Variants in GNG4 observed in about 807,000 individuals in gnomAD.
The protein encoded by GNG4 is G protein subunit gamma 4, also known as guanine nucleotide-binding protein G(I)/G(S)/G(O) subunit gamma-4.
In GNG4, 4 loss-of-function variants were observed where a neutral mutation model predicts 5.8. The observed-to-expected ratio is 0.69, with a 90% CI of 0.34 to 1.57. The LOEUF is 1.57. Ranked by LOEUF, GNG4 falls within the 40% of genes most tolerant of loss-of-function variation. The probability of loss-of-function intolerance (pLI) is 0.06; values close to 1 mark genes in which losing one functional copy is unlikely to be tolerated. For synonymous variants in GNG4, 29 were observed against 32.9 expected (o/e 0.88, Z 0.41); for missense variants, 96 against 95.1 (o/e 1.01, Z -0.04).
At chr1:235,635,131 G>A (rs1338925805) in intron 1 of GNG4, among the ~76,000 whole-genome samples, 1 of 152,030 alleles carries the variant, frequency 6.6e-6, no homozygotes, top group East Asian at 1.9e-4. Context: ...GTTTTAAAGC[G>A]CAAAGTTTAA....
intron 3 of GNG4, among the ~76,000 whole-genome samples, chr1:235,557,204 A>G (rs1345023241): frequency 6.6e-6 from 1 of 152,142 alleles, no homozygotes; most frequent in Non-Finnish European, 1.5e-5. Flanking sequence ...TGTATACAGA[A>G]TCTATACTCA....
At chr1:235,594,291 G>A (rs1395270072) in intron 2 of GNG4, among the ~76,000 whole-genome samples, 2 of 152,278 alleles carry the variant, frequency 1.3e-5, no homozygotes, top group Middle Eastern at 3.4e-3. Flanking sequence ...ACAGAGTGCC[G>A]ATTGGTGTAT....
intron 1 of GNG4, among the ~76,000 whole-genome samples, chr1:235,638,801 C>T (rs1657214232): frequency 1.3e-5 from 2 of 152,260 alleles, no homozygotes; most frequent in African/African-American, 2.4e-5. Flanking sequence ...TGATGGTTTC[C>T]AGCTTCATCC....
chr1:235,582,901 T>C (rs2102941097), intron 3 of GNG4, among the ~76,000 whole-genome samples: 2 of 152,214 alleles, frequency 1.3e-5, no homozygotes, highest in East Asian at 3.9e-4. Flanking sequence ...GAGGTGAGTA[T>C]TGGTGCTTTC....
At chr1:235,619,345 CA>C (rs985185305) in intron 1 of GNG4, among the ~76,000 whole-genome samples, 5 of 151,240 alleles carry the variant, frequency 3.3e-5, no homozygotes, top group African/African-American at 1.2e-4. Flanking sequence ...TGCAGTGAGC[CA>C]AGATTGCGCC....
chr1:235,594,387 TG>T (rs1688071057), intron 2 of GNG4, among the ~76,000 whole-genome samples: 2 of 152,344 alleles, frequency 1.3e-5, no homozygotes, highest in African/African-American at 4.8e-5. Context: ...GGATCCCATC[TG>T]GGGCCACAGG....
intron 1 of GNG4, among the ~76,000 whole-genome samples, chr1:235,596,217 C>T (rs866319544): frequency 0.11 from 16,234 of 144,238 alleles, 1,224 homozygotes; most frequent in Middle Eastern, 0.18. Context: ...AATACACACA[C>T]ACACACACAC....
At chr1:235,631,759 G>T (rs1286708365) in intron 1 of GNG4, among the ~76,000 whole-genome samples, 1 of 151,852 alleles carries the variant, frequency 6.6e-6, no homozygotes, top group African/African-American at 2.4e-5. Flanking sequence ...GTAGAGATGG[G>T]GTTTCACCAT....
Position 235,614,707 on chromosome 1 carries a change from A to T in GNG4, c.-122-19196T>A, listed in dbSNP as rs187589251. ...ATGAAGCTGCTGTACCTGGCCTTCC[A>T]CAGCTGCCTCCTACTGGCCCTGCTC... On this transcript the variant is annotated intron_variant, in intron 1 of 3. Transcript: ENST00000391854. The T allele has an allele frequency of 2.5e-3, 375 of 152,568 alleles. 1 individual carries two copies. The highest frequency in any genetic ancestry group is 8.8e-3 in the African/African-American group (364 of 41,548). The allele number at this position is 152,568 out of a possible 1,614,324, so 9.5% of individuals were successfully genotyped here.
At chr1:235,578,651 T>C (rs996073866) in intron 3 of GNG4, among the ~76,000 whole-genome samples, 1 of 152,220 alleles carries the variant, frequency 6.6e-6, no homozygotes, top group African/African-American at 2.4e-5. Flanking sequence ...AAGGATATTA[T>C]ATTAAATGAA....
At chr1:235,606,164 A>C (rs1688355937) in intron 1 of GNG4, among the ~76,000 whole-genome samples, 1 of 151,912 alleles carries the variant, frequency 6.6e-6, no homozygotes, top group African/African-American at 2.4e-5. Flanking sequence ...CGGATCATGA[A>C]GTCAGGAGTT....
chr1:235,607,236 C>T (rs149768546), intron 1 of GNG4, among the ~76,000 whole-genome samples: 45 of 152,294 alleles, frequency 3.0e-4, no homozygotes, highest in African/African-American at 9.9e-4. Flanking sequence ...TATGAACCAT[C>T]GCACCCAGCC....
chr1:235,622,116 A>G (rs1456111069), intron 1 of GNG4, among the ~76,000 whole-genome samples: 1 of 152,270 alleles, frequency 6.6e-6, no homozygotes, highest in African/African-American at 2.4e-5. Flanking sequence ...AAATAAAATC[A>G]GCATTTAATG....
chr1:235,560,624 C>T (rs901449771), intron 3 of GNG4, among the ~76,000 whole-genome samples: 3 of 152,198 alleles, frequency 2.0e-5, no homozygotes, highest in Non-Finnish European at 4.4e-5. Flanking sequence ...AGAGAAGATA[C>T]TTGAGAAACA....
chr1:235,626,701 G>A (rs1688818044), intron 1 of GNG4, among the ~76,000 whole-genome samples: 1 of 152,126 alleles, frequency 6.6e-6, no homozygotes, highest in African/African-American at 2.4e-5. Context: ...GCTGATGCTT[G>A]TGATCCCAGC....
At chr1:235,584,749 T>A (rs555239783) in intron 2 of GNG4, among the ~76,000 whole-genome samples, 2 of 152,320 alleles carry the variant, frequency 1.3e-5, no homozygotes, top group South Asian at 4.1e-4. Context: ...AACTAAAGCC[T>A]GAGAGCTGGG....
At chr1:235,592,481 C>T (rs562836997) in intron 2 of GNG4, among the ~76,000 whole-genome samples, 2 of 152,222 alleles carry the variant, frequency 1.3e-5, no homozygotes, top group South Asian at 4.2e-4. Flanking sequence ...TGCACTCCAG[C>T]CTGGGTGACA....
chr1:235,620,224 G>A lies in GNG4; in HGVS notation c.-122-24713C>T, dbSNP rs573193234. Among the ~76,000 whole-genome samples, 9 of 152,204 alleles carry A rather than the reference G, an allele frequency of 5.9e-5. No individual in the cohort carries two copies. In the South Asian group the frequency reaches 1.5e-3, roughly 25 times the overall value. On this transcript the variant is annotated intron_variant, in intron 1 of 3. Transcript: ENST00000391854. ...ATTAAAAATATAAAAAATTAGGCGG[G>A]CATGTTGGTGCACGTCTGTAATCCC...
rs1558486386 is a variant in GNG4, at chr1:235,587,621, GAA to G, written c.-10-3775_-10-3774del. On this transcript the variant is annotated intron_variant, in intron 2 of 3. Coordinates refer to ENST00000391854, the MANE Select transcript of GNG4 (RefSeq NM_001098722.2). ...TGGGAGGGCATGGGGTGGGGTGTGTGAATGTGGGGTGGAGTGTGAGTGTGGGA... is the reference window on the plus strand; with the variant it reads ...TGGGAGGGCATGGGGTGGGGTGTGTGTGTGGGGTGGAGTGTGAGTGTGGGA... Among the ~76,000 whole-genome samples the G allele has an allele frequency of 2.3e-3, 72 of 31,036 alleles. 7 individuals carry two copies. Among genetic ancestry groups the G allele is most frequent in the Non-Finnish European group, 4.1e-3 (37 of 8,940 alleles). 20.4% of individuals were successfully genotyped at this position (31,036 alleles called of 152,430 possible).
Sources: allele counts gnomAD v4.1 joint callset (sites outside exome capture counted in the v4.1 genomes callset), GRCh38; gene constraint gnomAD v4.1.1; transcripts MANE v1.5; gene names NCBI Gene and HGNC (gene_info 2026-07-23, HGNC 2026-07-21).